Variants in STK39 observed in about 807,000 individuals in gnomAD.
STK39 encodes the protein STE20/SPS1-related proline-alanine-rich protein kinase.
In STK39, 20 loss-of-function variants were observed where a neutral mutation model predicts 77.8. The ratio of observed to expected loss-of-function variants is 0.26; its 90% CI spans 0.18 to 0.37. The LOEUF is 0.37. STK39 is among the 10% of genes least tolerant of loss of function. The probability of loss-of-function intolerance (pLI) is 1.00; values close to 1 mark genes in which losing one functional copy is unlikely to be tolerated. For missense variants in STK39, 479 were observed against 656.5 expected (o/e 0.73, Z 2.95); for synonymous variants, 246 against 234.1 (o/e 1.05, Z -0.47).
At chr2:168,246,192 G>A (rs1234206520) in intron 1 of STK39, among the ~76,000 whole-genome samples, 1 of 152,054 alleles carries the variant, frequency 6.6e-6, no homozygotes, top group Non-Finnish European at 1.5e-5. Context: ...CCATCCCTGC[G>A]TCAGTAAGGT....
chr2:168,100,091 C>T (rs1422092482), intron 10 of STK39, among the ~76,000 whole-genome samples: 1 of 152,174 alleles, frequency 6.6e-6, no homozygotes, highest in Non-Finnish European at 1.5e-5. Context: ...CAATAGCAGG[C>T]AGGGCCACGA....
intron 17 of STK39, among the ~76,000 whole-genome samples, chr2:167,958,449 T>C (rs765522124): frequency 6.6e-6 from 1 of 152,092 alleles, no homozygotes; most frequent in Non-Finnish European, 1.5e-5. Context: ...CATACAAACA[T>C]AAATAAAATC....
intron 10 of STK39, among the ~76,000 whole-genome samples, chr2:168,110,863 GATAA>G (rs936439746): frequency 1.2e-4 from 18 of 152,266 alleles, no homozygotes; most frequent in African/African-American, 4.1e-4. Context: ...TCAATTTGGG[GATAA>G]ATGGTGTCCT....
intron 14 of STK39, among the ~76,000 whole-genome samples, chr2:168,026,564 A>C (rs1683714442): frequency 6.6e-6 from 1 of 152,206 alleles, no homozygotes; most frequent in Non-Finnish European, 1.5e-5. Flanking sequence ...AGAAATGACA[A>C]CAGAACCTGG....
intron 5 of STK39, among the ~76,000 whole-genome samples, chr2:168,154,755 G>A (rs1688381204): frequency 6.6e-6 from 1 of 152,136 alleles, no homozygotes; most frequent in South Asian, 2.1e-4. Context: ...CACTGTGTCA[G>A]CTGAGAGGAC....
chr2:168,072,688 C>T (rs933582599), intron 12 of STK39, among the ~76,000 whole-genome samples: 1 of 152,206 alleles, frequency 6.6e-6, no homozygotes, highest in Non-Finnish European at 1.5e-5. Context: ...ATATTTAACA[C>T]TTTTTAATTT....
At chr2:168,155,525 C>G (rs1173111287) in intron 5 of STK39, among the ~76,000 whole-genome samples, 15 of 152,090 alleles carry the variant, frequency 9.9e-5, no homozygotes, top group Admixed American at 9.8e-4. Flanking sequence ...TCCTGAAACT[C>G]AAAACAAATA....
intron 1 of STK39, among the ~76,000 whole-genome samples, chr2:168,240,279 G>T (rs1373546301): frequency 6.6e-6 from 1 of 152,210 alleles, no homozygotes; most frequent in Non-Finnish European, 1.5e-5. Context: ...TTCAAATTAA[G>T]TCTTGAGGGT....
At chr2:168,197,211 A>G (rs146883993) in intron 1 of STK39, among the ~76,000 whole-genome samples, 1 of 152,338 alleles carries the variant, frequency 6.6e-6, no homozygotes, top group East Asian at 1.9e-4. Flanking sequence ...ATTTGAGAAT[A>G]TATTTGGACG....
rs1691712939 is a variant in STK39, at chr2:167,954,405, A to C, written c.*1091T>G. 6.6e-6 allele frequency: 1 copy of C among 152,606 alleles called. No individual in the cohort carries two copies. Among genetic ancestry groups the C allele is most frequent in the Admixed American group, 6.5e-5 (1 of 15,284 alleles). The allele number at this position is 152,606 out of a possible 1,614,324, so 9.5% of individuals were successfully genotyped here. A position where few individuals can be genotyped will look rare whatever the true frequency, so the allele number is the denominator to read the frequency against. On this transcript the variant is annotated 3_prime_UTR_variant, in exon 18 of 18. Transcript: ENST00000355999. ...GAACCTTAACAGCGTTTTACCTTTT[A>C]GTCATTGCACAAAACCCTTCCAATT... is the stretch of plus-strand genomic sequence containing the variant.
chr2:168,236,372 T>C (rs1483880758), intron 1 of STK39, among the ~76,000 whole-genome samples: 2 of 151,950 alleles, frequency 1.3e-5, no homozygotes, highest in Non-Finnish European at 2.9e-5. Context: ...GATGAGTAGA[T>C]TGCAAAAATT....
intron 1 of STK39, among the ~76,000 whole-genome samples, chr2:168,197,902 G>T (rs1219480787): frequency 6.6e-6 from 1 of 151,952 alleles, no homozygotes; most frequent in African/African-American, 2.4e-5. Flanking sequence ...GCCAGGCATG[G>T]TGGTGGGTGC....
At chr2:168,221,268 G>T (rs533181408) in intron 1 of STK39, among the ~76,000 whole-genome samples, 1 of 152,244 alleles carries the variant, frequency 6.6e-6, no homozygotes, top group South Asian at 2.1e-4. Context: ...TCTCTTCCTT[G>T]TTGAAAGTTT....
chr2:168,139,690 T>C (rs1687930023), intron 7 of STK39, among the ~76,000 whole-genome samples: 1 of 152,068 alleles, frequency 6.6e-6, no homozygotes, highest in South Asian at 2.1e-4. Context: ...TATTTCAGCC[T>C]CAAAACAAAA....
chr2:168,111,348 G>C (rs941228904), intron 10 of STK39, among the ~76,000 whole-genome samples: 1 of 152,140 alleles, frequency 6.6e-6, no homozygotes, highest in African/African-American at 2.4e-5. Context: ...CTTCCTGAAA[G>C]TTATTTTAAT....
At chr2:168,099,512 A>G (rs6745588) in intron 10 of STK39, among the ~76,000 whole-genome samples, 54,774 of 152,048 alleles carry the variant, frequency 0.36, 10,283 homozygotes, top group African/African-American at 0.43. Context: ...CTGACATCTA[A>G]TTATCAGAAA....
At chr2:168,131,553 C>T (rs1687697954) in intron 8 of STK39, among the ~76,000 whole-genome samples, 2 of 152,172 alleles carry the variant, frequency 1.3e-5, no homozygotes, top group African/African-American at 2.4e-5. Context: ...TGTAAGTCTA[C>T]AGGGGCCCCA....
chr2:168,163,311 G>C (rs1357155571), intron 4 of STK39, among the ~76,000 whole-genome samples: 2 of 152,150 alleles, frequency 1.3e-5, no homozygotes, highest in Non-Finnish European at 2.9e-5. Context: ...GGATAGTCTT[G>C]CTTGTATTAG....
chr2:167,961,524 A>G, intron 17 of STK39, among the ~76,000 whole-genome samples: 1 of 152,212 alleles, frequency 6.6e-6, no homozygotes, highest in Non-Finnish European at 1.5e-5. Flanking sequence ...CAAGTAGTCC[A>G]TTCAAAAATG....
Sources: allele counts gnomAD v4.1 joint callset (sites outside exome capture counted in the v4.1 genomes callset), GRCh38; gene constraint gnomAD v4.1.1; transcripts MANE v1.5; gene names NCBI Gene and HGNC (gene_info 2026-07-23, HGNC 2026-07-21).